ZNF536: variants seen among roughly 807,000 people sequenced by gnomAD.
ZNF536 encodes zinc finger protein 536.
ZNF536 carries 13 observed loss-of-function variants against 84.5 expected under a neutral mutation model. The observed-to-expected ratio is 0.15, with a 90% CI of 0.10 to 0.24. ZNF536 has a LOEUF of 0.24. ZNF536 is among the 10% of genes least tolerant of loss of function. The pLI, the probability that ZNF536 is intolerant of heterozygous loss-of-function variation, is 1.00. For missense variants in ZNF536, 1,536 were observed against 1,747.5 expected (o/e 0.88, Z 2.16); for synonymous variants, 811 against 742.5 (o/e 1.09, Z -1.50).
chr19:30,470,755 G>C (rs1420388879), intron 2 of ZNF536, among the ~76,000 whole-genome samples: 1 of 148,392 alleles, frequency 6.7e-6, no homozygotes, highest in Non-Finnish European at 1.5e-5. Context: ...GTGTGGTCTC[G>C]GCTCACTGCA....
rs1490475380 is a variant in ZNF536, at chr19:30,444,021, G to A, written c.459G>A (p.Thr153=). The change falls in exon 2 of 5, where the codon ACG becomes ACA. Residue 153 remains threonine (T), a synonymous_variant. Coordinates refer to ENST00000355537, the MANE Select transcript of ZNF536 (RefSeq NM_014717.3). ...TCTCCCTGCACATGCGCACGCACAC[G>A]GGCGAGAAGCCCTTCAAGTGCCCGT... ...SILSLHMRTH[T]GEKPFKCPYC... 2 of 1,613,658 alleles carry A rather than the reference G, an allele frequency of 1.2e-6. No homozygotes were observed. The highest frequency in any genetic ancestry group is 4.5e-5 in the East Asian group (2 of 44,880).
intron 1 of ZNF536, among the ~76,000 whole-genome samples, chr19:30,403,376 G>A (rs900240516): frequency 6.6e-6 from 1 of 152,212 alleles, no homozygotes; most frequent in Non-Finnish European, 1.5e-5. Flanking sequence ...ATGCTGAAAG[G>A]AGGAAAGTGA....
rs571376721 is a variant in ZNF536 at position 30,253,801 on chromosome 19, G to T, written c.-190+25128G>T. ...TTGAGATGGGTAATTGGTGGCATGT[G>T]GTCCGTGAGCCATGTGTGAGAGCCC... On this transcript the variant is annotated intron_variant, in intron 1 of 5. Coordinates refer to the ZNF536 transcript ENST00000585628. Among the ~76,000 whole-genome samples, 9 of 152,214 alleles carry T rather than the reference G, an allele frequency of 5.9e-5. No individual in the cohort carries two copies. The East Asian group carries it at 1.2e-3, about 20-fold the overall frequency.
chr19:30,571,218 G>T (rs979173708), intron 1 of ZNF536, among the ~76,000 whole-genome samples: 1 of 152,130 alleles, frequency 6.6e-6, no homozygotes, highest in African/African-American at 2.4e-5. Context: ...CGGCTTCAGT[G>T]GGCTGGTTCG....
chr19:30,252,374 C>A (rs560517728), intron 1 of ZNF536, among the ~76,000 whole-genome samples: 1 of 152,204 alleles, frequency 6.6e-6, no homozygotes, highest in Non-Finnish European at 1.5e-5. Context: ...GGGGACCGCA[C>A]TCCTAGTCTC....
chr19:30,466,332 A>G (rs2053389447), intron 2 of ZNF536, among the ~76,000 whole-genome samples: 1 of 151,460 alleles, frequency 6.6e-6, no homozygotes, highest in Non-Finnish European at 1.5e-5. Context: ...ACTTGATCCC[A>G]GGAGTTCAAG....
At chr19:30,496,178 AC>A (rs1257392553) in intron 2 of ZNF536, among the ~76,000 whole-genome samples, 1 of 151,990 alleles carries the variant, frequency 6.6e-6, no homozygotes, top group African/African-American at 2.4e-5. Context: ...CTGTCCCCAT[AC>A]CCTGTACCAT....
chr19:30,529,916 T>C (rs994892162), intron 2 of ZNF536, among the ~76,000 whole-genome samples: 1 of 152,232 alleles, frequency 6.6e-6, no homozygotes, highest in African/African-American at 2.4e-5. Flanking sequence ...AATCCCATAT[T>C]ATTCAGTGGA....
At chr19:30,479,570 G>A (rs1346521245) in intron 2 of ZNF536, among the ~76,000 whole-genome samples, 3 of 152,216 alleles carry the variant, frequency 2.0e-5, no homozygotes, top group African/African-American at 7.2e-5. Context: ...CCCTTGGCCT[G>A]GTGGGTCAGG....
chr19:30,235,008 G>A (rs927769058), intron 1 of ZNF536, among the ~76,000 whole-genome samples: 1 of 152,198 alleles, frequency 6.6e-6, no homozygotes, highest in Non-Finnish European at 1.5e-5. Context: ...TCCTGCTTGT[G>A]GTTTCCAGGT....
At position 30,699,402 on chromosome 19, in the gene ZNF536, C is replaced by T. The variant is rs575631979; in HGVS notation, c.170-11355C>T. Among the ~76,000 whole-genome samples, 10 of 152,260 alleles carry T rather than the reference C, an allele frequency of 6.6e-5. No individual in the cohort carries two copies. In the East Asian group the frequency reaches 1.7e-3, roughly 26 times the overall value. ...ATCCATTACCACACAGATCAAAATG[C>T]ACTTGTAAAATAAGTACATTTTTTT... On this transcript the variant is annotated intron_variant, in intron 1 of 1. Coordinates refer to the ZNF536 transcript ENST00000592773.
downstream of ZNF536, among the ~76,000 whole-genome samples, chr19:30,559,463 C>T (rs2046079481): frequency 6.6e-6 from 1 of 152,260 alleles, no homozygotes; most frequent in East Asian, 1.9e-4. Context: ...AAGGACCTGC[C>T]CCAAGGGGAA....
chr19:30,653,306 G>T (rs2049779048), intron 1 of ZNF536, among the ~76,000 whole-genome samples: 1 of 152,108 alleles, frequency 6.6e-6, no homozygotes, highest in Non-Finnish European at 1.5e-5. Context: ...CATTAGATCT[G>T]GGTGTAGCAT....
At chr19:30,485,251 C>G (rs925340416) in intron 2 of ZNF536, among the ~76,000 whole-genome samples, 2 of 152,126 alleles carry the variant, frequency 1.3e-5, no homozygotes, top group Non-Finnish European at 2.9e-5. Context: ...TTTCCTTCTT[C>G]CCATGGTTTC....
At chr19:30,464,652 G>A (rs530527999) in intron 2 of ZNF536, among the ~76,000 whole-genome samples, 2 of 151,878 alleles carry the variant, frequency 1.3e-5, no homozygotes, top group African/African-American at 4.8e-5. Context: ...TCCTTTTTTG[G>A]TTAGTGGTTG....
rs965046662 is a variant in ZNF536 at position 30,372,423 on chromosome 19, C to G, written c.-136C>G. On this transcript the variant is annotated 5_prime_UTR_variant, in exon 1 of 5. Transcript: ENST00000355537. ...CAGCTTTGGAACAGGGGAGGTGAGT[C>G]TGGAGAAGAGAGTTTCCACGTTGTC... 26 of 152,210 alleles carry G rather than the reference C, an allele frequency of 1.7e-4. No individual in the cohort carries two copies. Among genetic ancestry groups the G allele is most frequent in the African/African-American group, 5.8e-4 (24 of 41,436 alleles). The allele number at this position is 152,210 out of a possible 1,614,324, so 9.4% of individuals were successfully genotyped here. A position where few individuals can be genotyped will look rare whatever the true frequency, so the allele number is the denominator to read the frequency against.
At chr19:30,556,883 T>C in intron 4 of ZNF536, 1 of 339,318 alleles carries the variant, frequency 2.9e-6, no homozygotes. Flanking sequence ...TGGTTTCGGA[T>C]GTTGTGTGCA....
intron 1 of ZNF536, among the ~76,000 whole-genome samples, chr19:30,257,369 G>T (rs2024965842): frequency 6.6e-6 from 1 of 152,214 alleles, no homozygotes; most frequent in African/African-American, 2.4e-5. Flanking sequence ...TTTCGAAGGT[G>T]GGGCAAATGT....
At chr19:30,320,822 A>T (rs1568329612) in intron 2 of ZNF536, among the ~76,000 whole-genome samples, 1 of 152,146 alleles carries the variant, frequency 6.6e-6, no homozygotes, top group Non-Finnish European at 1.5e-5. Flanking sequence ...CCTTAAATTC[A>T]GTGTGTAAGC....
Sources: gnomAD v4.1 joint callset for allele counts (sites outside exome capture counted in the v4.1 genomes callset) on GRCh38, gnomAD v4.1.1 for gene constraint, MANE v1.5 for transcripts, NCBI Gene and HGNC (gene_info 2026-07-23, HGNC 2026-07-21) for gene names.